The following LYPLAL1 variants were observed in gnomAD, a reference collection of about 807,000 sequenced individuals.
The protein encoded by LYPLAL1 is lysophospholipase-like protein 1.
A neutral mutation model predicts 19.7 loss-of-function variants in LYPLAL1; 23 were observed. That is an observed-to-expected ratio of 1.17 (90% CI 0.84 to 1.65). The LOEUF is 1.65. Among genes scored for constraint, LYPLAL1 ranks in the 40% most tolerant of loss-of-function variants. The pLI, the probability that LYPLAL1 is intolerant of heterozygous loss-of-function variation, is 0.00. For missense variants in LYPLAL1, 355 were observed against 279.4 expected, an observed-to-expected ratio of 1.27 and a Z score of -1.93; for synonymous variants, 119 against 96.3, an observed-to-expected ratio of 1.24 and a Z score of -1.38.
intron 2 of LYPLAL1, among the ~76,000 whole-genome samples, chr1:219,187,362 A>G (rs536493605): frequency 8.0e-4 from 122 of 151,592 alleles, no homozygotes; most frequent in African/African-American, 2.9e-3. Flanking sequence ...AAAAGTCAGC[A>G]ATTAGTTTGC....
chr1:219,316,998 T>C, the LYPLAL1 span, among the ~76,000 whole-genome samples: 1 of 152,292 alleles, frequency 6.6e-6, no homozygotes, highest in East Asian at 1.9e-4. Flanking sequence ...TACTAATGTA[T>C]TGAATACAAC....
At chr1:219,257,561 A>G in the LYPLAL1 span, among the ~76,000 whole-genome samples, 1 of 152,046 alleles carries the variant, frequency 6.6e-6, no homozygotes, top group African/African-American at 2.4e-5. Flanking sequence ...CTGAGCCGCA[A>G]AACCAGCAAG....
At chr1:219,377,316 G>C in the LYPLAL1 span, among the ~76,000 whole-genome samples, 2 of 152,178 alleles carry the variant, frequency 1.3e-5, no homozygotes, top group African/African-American at 4.8e-5. Flanking sequence ...AAGAATGGCT[G>C]TTTCTAGGGA....
chr1:219,400,262 T>C, the LYPLAL1 span, among the ~76,000 whole-genome samples: 2 of 152,118 alleles, frequency 1.3e-5, no homozygotes, highest in Non-Finnish European at 2.9e-5. Context: ...AGCTGTTCCA[T>C]GTGGCAGCAT....
chr1:219,435,138 A>G, the LYPLAL1 span: 1 of 152,222 alleles, frequency 6.6e-6, no homozygotes, highest in Non-Finnish European at 1.5e-5. Flanking sequence ...GCAGACAATA[A>G]ACAAACACAT....
At chr1:219,406,876 G>A in the LYPLAL1 span, among the ~76,000 whole-genome samples, 1 of 152,162 alleles carries the variant, frequency 6.6e-6, no homozygotes, top group South Asian at 2.1e-4. Context: ...AAATTAGTGG[G>A]GAGTGTGTTC....
chr1:219,265,688 G>C, the LYPLAL1 span, among the ~76,000 whole-genome samples: 4 of 152,094 alleles, frequency 2.6e-5, no homozygotes, highest in African/African-American at 9.7e-5. Context: ...TTGTAATTGT[G>C]CAAACATCAT....
chr1:219,313,992 AAGTG>A, the LYPLAL1 span, among the ~76,000 whole-genome samples: 1 of 152,184 alleles, frequency 6.6e-6, no homozygotes, highest in Non-Finnish European at 1.5e-5. Context: ...CTCCACCCTC[AAGTG>A]GGCCCCAGTG....
intron 3 of LYPLAL1, among the ~76,000 whole-genome samples, chr1:219,197,902 T>C (rs367693226): frequency 4.1e-4 from 62 of 152,256 alleles, no homozygotes; most frequent in African/African-American, 1.4e-3. Flanking sequence ...GGTTACCTGT[T>C]TGAGCACCTA....
the LYPLAL1 span, among the ~76,000 whole-genome samples, chr1:219,353,351 C>T: frequency 1.3e-5 from 2 of 152,208 alleles, no homozygotes; most frequent in Non-Finnish European, 2.9e-5. Flanking sequence ...ACTTGAATGC[C>T]AGGTTTACAT....
At chr1:219,277,121 G>A in the LYPLAL1 span, among the ~76,000 whole-genome samples, 6 of 152,278 alleles carry the variant, frequency 3.9e-5, no homozygotes, top group African/African-American at 1.4e-4. Context: ...TTAGAGATGA[G>A]GGCTCTTTTT....
At chr1:219,303,287 G>A in the LYPLAL1 span, among the ~76,000 whole-genome samples, 4 of 152,288 alleles carry the variant, frequency 2.6e-5, no homozygotes, top group Non-Finnish European at 5.9e-5. Flanking sequence ...AAACTAAATA[G>A]ACAAGTTTTT....
At chr1:219,248,820 G>A in the LYPLAL1 span, among the ~76,000 whole-genome samples, 3 of 152,000 alleles carry the variant, frequency 2.0e-5, no homozygotes, top group African/African-American at 7.2e-5. Flanking sequence ...TATATGTTCA[G>A]TATAGAACTT....
At chr1:219,315,378 A>G in the LYPLAL1 span, among the ~76,000 whole-genome samples, 1 of 152,144 alleles carries the variant, frequency 6.6e-6, no homozygotes, top group Non-Finnish European at 1.5e-5. Context: ...CTTCGCCTAG[A>G]AAATTTGACT....
At chr1:219,177,386 G>GT (rs1276346783) in intron 1 of LYPLAL1, among the ~76,000 whole-genome samples, 3 of 152,150 alleles carry the variant, frequency 2.0e-5, no homozygotes, top group Non-Finnish European at 4.4e-5. Context: ...CTTTAATAAT[G>GT]TAAAACTCAT....
the LYPLAL1 span, among the ~76,000 whole-genome samples, chr1:219,303,003 T>C: frequency 6.6e-6 from 1 of 152,232 alleles, no homozygotes; most frequent in Non-Finnish European, 1.5e-5. Context: ...TTTCACAAAA[T>C]AGACTATGAG....
At chr1:219,241,705 T>G in the LYPLAL1 span, among the ~76,000 whole-genome samples, 6 of 152,100 alleles carry the variant, frequency 3.9e-5, no homozygotes, top group African/African-American at 9.7e-5. Flanking sequence ...TATTACTTAC[T>G]AAGAAAGGGA....
intron 3 of LYPLAL1, among the ~76,000 whole-genome samples, chr1:219,196,379 G>A (rs912609192): frequency 6.6e-6 from 1 of 152,066 alleles, no homozygotes; most frequent in African/African-American, 2.4e-5. Flanking sequence ...TTTAATAATT[G>A]CCACTCAGAC....
chr1:219,220,522 C>G, the LYPLAL1 span, among the ~76,000 whole-genome samples: 1 of 152,046 alleles, frequency 6.6e-6, no homozygotes, highest in Non-Finnish European at 1.5e-5. Context: ...CAAAGTAGCT[C>G]CCAGCACTTT....
Sources: allele counts gnomAD v4.1 joint callset (sites outside exome capture counted in the v4.1 genomes callset), GRCh38; gene constraint gnomAD v4.1.1; transcripts MANE v1.5; gene names NCBI Gene and HGNC (gene_info 2026-07-23, HGNC 2026-07-21).